The following NMBR variants were observed in gnomAD, a reference collection of about 807,000 sequenced individuals.
NMBR encodes neuromedin-B receptor.
Under a neutral mutation model 20.5 loss-of-function variants are expected in NMBR, and 16 were observed. The ratio of observed to expected loss-of-function variants is 0.78; its 90% CI spans 0.53 to 1.19. NMBR has a LOEUF of 1.19. Among genes scored for constraint, NMBR ranks in the 50% most tolerant of loss-of-function variants. The pLI is 0.00. For synonymous variants in NMBR, 212 were observed against 196.6 expected, an observed-to-expected ratio of 1.08 and a Z score of -0.65; for missense variants, 582 against 499.1, an observed-to-expected ratio of 1.17 and a Z score of -1.58.
intron 2 of NMBR, among the ~76,000 whole-genome samples, chr6:142,080,682 T>C (rs918522965): frequency 3.3e-5 from 5 of 152,206 alleles, no homozygotes; most frequent in Admixed American, 1.3e-4. Context: ...TTGGTCTCTT[T>C]GTGCTGTAAT....
At chr6:142,122,042 T>TA (rs1777952232) in intron 1 of NMBR, among the ~76,000 whole-genome samples, 1 of 151,964 alleles carries the variant, frequency 6.6e-6, no homozygotes, top group African/African-American at 2.4e-5. Flanking sequence ...GTTCCCTTTT[T>TA]AAGCCCCTCT....
intron 1 of NMBR, among the ~76,000 whole-genome samples, chr6:142,127,075 C>T (rs1255584061): frequency 1.3e-5 from 2 of 151,782 alleles, no homozygotes; most frequent in African/African-American, 4.8e-5. Context: ...CAGACCCATG[C>T]GAAGAAGCTT....
intron 1 of NMBR, among the ~76,000 whole-genome samples, chr6:142,093,283 C>G (rs955557167): frequency 6.9e-6 from 1 of 145,012 alleles, no homozygotes; most frequent in African/African-American, 2.6e-5. Flanking sequence ...GGTATATCTC[C>G]TAATGCTATC....
intron 1 of NMBR, among the ~76,000 whole-genome samples, chr6:142,105,630 C>T (rs1361805314): frequency 6.6e-6 from 1 of 152,120 alleles, no homozygotes; most frequent in Non-Finnish European, 1.5e-5. Flanking sequence ...TATATTTTCT[C>T]ATTAAAAGCA....
At chr6:142,122,400 A>G (rs185273110) in intron 1 of NMBR, among the ~76,000 whole-genome samples, 1 of 151,982 alleles carries the variant, frequency 6.6e-6, no homozygotes. Context: ...TCACCATACC[A>G]TATCATCATA....
At chr6:142,137,597 G>T (rs1181777922) in intron 1 of NMBR, among the ~76,000 whole-genome samples, 1 of 152,176 alleles carries the variant, frequency 6.6e-6, no homozygotes, top group African/African-American at 2.4e-5. Context: ...AATGCTTCCA[G>T]TTTTTGCCCA....
At chr6:142,108,473 G>C (rs1439352636) in intron 1 of NMBR, among the ~76,000 whole-genome samples, 1 of 152,140 alleles carries the variant, frequency 6.6e-6, no homozygotes, top group African/African-American at 2.4e-5. Context: ...TGGCTAGGGA[G>C]GCCTCAGGAA....
Position 142,075,754 on chromosome 6 carries a change from C to A in NMBR, c.1067G>T (p.Ser356Ile). The A allele has an allele frequency of 6.2e-7, 1 of 1,614,088 alleles. No individual in the cohort carries two copies. Among genetic ancestry groups the A allele is most frequent in the Non-Finnish European group, 8.5e-7 (1 of 1,179,962 alleles). ...AGATGTCATACGCACCGCTGAAGAG[C>A]TGAGTAGGTAGCTGGTTCCTCTCTC... Reference protein sequence around the residue: ...YQERGTSYLLSSSAVRMTSLK... With the variant: ...YQERGTSYLLISSAVRMTSLK... Residue 356 changes from serine to isoleucine, a missense_variant, in exon 4 of 4, where the codon AGC becomes ATC. Ser to Ile is a moderately radical substitution (Grantham distance 142). Coordinates refer to ENST00000258042, the MANE Select transcript of NMBR (RefSeq NM_002511.4).
chr6:142,130,286 G>C (rs1778116511), intron 1 of NMBR, among the ~76,000 whole-genome samples: 1 of 151,982 alleles, frequency 6.6e-6, no homozygotes, highest in African/African-American at 2.4e-5. Flanking sequence ...ATATAGAGAG[G>C]TCAGGACTGG....
chr6:142,133,163 C>A, intron 1 of NMBR: 1 of 680,470 alleles, frequency 1.5e-6, no homozygotes, highest in Non-Finnish European at 2.7e-6. Flanking sequence ...TGAGACATGT[C>A]TCTAAATTAC....
intron 1 of NMBR, among the ~76,000 whole-genome samples, chr6:142,111,646 T>C (rs934964538): frequency 6.6e-5 from 10 of 152,152 alleles, no homozygotes; most frequent in Admixed American, 6.6e-5. Context: ...AATTGAAACA[T>C]AGAACTGAGA....
At chr6:142,124,470 T>C (rs1777998452) in intron 1 of NMBR, among the ~76,000 whole-genome samples, 2 of 151,916 alleles carry the variant, frequency 1.3e-5, no homozygotes, top group South Asian at 4.1e-4. Context: ...AATCATTTTC[T>C]CCATTTTACA....
At chr6:142,145,731 G>C (rs1038226713) in intron 1 of NMBR, among the ~76,000 whole-genome samples, 2 of 152,216 alleles carry the variant, frequency 1.3e-5, no homozygotes, top group African/African-American at 4.8e-5. Context: ...AGCTTGAATA[G>C]AGCGAGAGAA....
chr6:142,095,761 G>A (rs571484961), intron 1 of NMBR, among the ~76,000 whole-genome samples: 2 of 152,102 alleles, frequency 1.3e-5, no homozygotes, highest in Admixed American at 6.5e-5. Flanking sequence ...GGTAGAATTC[G>A]GCTGTGAATC....
At chr6:142,141,533 C>T (rs1778360623) in intron 1 of NMBR, among the ~76,000 whole-genome samples, 1 of 150,428 alleles carries the variant, frequency 6.6e-6, no homozygotes, top group African/African-American at 2.5e-5. Context: ...AAGATGGAGT[C>T]TCACTCTGTC....
At chr6:142,097,077 A>T (rs1182767594) in intron 1 of NMBR, among the ~76,000 whole-genome samples, 1 of 152,008 alleles carries the variant, frequency 6.6e-6, no homozygotes, top group Non-Finnish European at 1.5e-5. Context: ...TTTGCACGTG[A>T]GATGGGTTTC....
In NMBR at chr6:142,078,568, T is replaced by C. The variant is rs1777000814; in HGVS notation, c.758A>G (p.His253Arg). 6.3e-7 allele frequency: 1 copy of C among 1,588,050 alleles called. No individual in the cohort carries two copies. The highest frequency in any genetic ancestry group is 1.7e-4 in the Middle Eastern group (1 of 5,948). ...AHNLPGEYNE[H>R]TKKQMETRKR... Reference sequence around the variant, plus strand: ...TACTAAGCTTACCTGTTTTTTGGTATGTTCATTGTATTCTCCAGGAAGATT... The same window carrying C: ...TACTAAGCTTACCTGTTTTTTGGTACGTTCATTGTATTCTCCAGGAAGATT... The change falls in exon 3 of 4, where the codon CAT becomes CGT. Residue 253 changes from histidine (H) to arginine (R), a missense_variant. By Grantham distance (29) the His-to-Arg change is conservative (BLOSUM62 0). Coordinates refer to ENST00000258042, the MANE Select transcript of NMBR (RefSeq NM_002511.4).
rs149862882 is a variant in NMBR at position 142,088,447 on chromosome 6, T to A, written c.212A>T (p.Asn71Ile). 1.2e-5 allele frequency: 20 copies of A among 1,614,018 alleles called. No homozygotes were observed. The African/African-American group carries it at 2.1e-4, about 17-fold the overall frequency. ...NIMLVKIFIT[N>I]SAMRSVPNIF... is the part of the protein sequence containing the mutation. ...GTTGGGGACGCTCCTCATGGCGCTG[T>A]TGGTGATGAAGATCTTCACCAGCAT... Residue 71 changes from asparagine (N) to isoleucine (I), a missense_variant, in exon 2 of 4, where the codon AAC (asparagine) becomes ATC (isoleucine). By Grantham distance (149) the Asn-to-Ile change is moderately radical. Transcript: ENST00000258042.
In NMBR at chr6:142,079,150, G is replaced by GAAAGAAAGAAAA. The variant is rs1562390303; in HGVS notation, c.423-248_423-247insTTTTCTTTCTTT. 3.9e-3 allele frequency among the ~76,000 whole-genome samples: 299 copies of GAAAGAAAGAAAA among 76,914 alleles called. 2 individuals carry two copies. The highest frequency in any genetic ancestry group is 0.016 in the Admixed American group (122 of 7,552). 50.5% of individuals were successfully genotyped at this position (76,914 alleles called of 152,430 possible). Reference sequence around the variant, plus strand: ...AGAAGAAAGAAAGAAAGAAAAAGAAGAGAGGAGAGGAGAGGAAAGGAAAGG... The same window carrying GAAAGAAAGAAAA: ...AGAAGAAAGAAAGAAAGAAAAAGAAGAAAGAAAGAAAAAGAGGAGAGGAGAGGAAAGGAAAGG... On this transcript the variant is annotated intron_variant, in intron 2 of 3. Coordinates refer to ENST00000258042, the MANE Select transcript of NMBR (RefSeq NM_002511.4).
Sources: allele counts gnomAD v4.1 joint callset (sites outside exome capture counted in the v4.1 genomes callset), GRCh38; gene constraint gnomAD v4.1.1; transcripts MANE v1.5; gene names NCBI Gene and HGNC (gene_info 2026-07-23, HGNC 2026-07-21).